The following STX7 variants were observed in gnomAD, a reference collection of about 807,000 sequenced individuals.
STX7 encodes the protein syntaxin-7.
STX7 carries 34 observed loss-of-function variants against 39.6 expected under a neutral mutation model. The ratio of observed to expected loss-of-function variants is 0.86; its 90% CI spans 0.65 to 1.14. The LOEUF (loss-of-function observed/expected upper bound fraction) is 1.14. Among genes scored for constraint, STX7 ranks in the 50% most tolerant of loss-of-function variants. STX7 has a pLI of 0.00. For synonymous variants in STX7, 119 were observed against 99.1 expected (o/e 1.20, Z -1.19); for missense variants, 284 against 310.4 (o/e 0.92, Z 0.64).
At position 132,447,669 on chromosome 6, in the gene STX7, A is replaced by G. The variant is rs919087948; in HGVS notation, c.*13089T>C. 6.6e-6 allele frequency: 1 copy of G among 152,056 alleles called. No homozygotes were observed. Among genetic ancestry groups the G allele is most frequent in the Admixed American group, 6.5e-5 (1 of 15,272 alleles). 9.4% of individuals were successfully genotyped at this position (152,056 alleles called of 1,614,324 possible). A position where few individuals can be genotyped will look rare whatever the true frequency, so the allele number is the denominator to read the frequency against. ...TTTGAGAGTCTCCTTATCCTTATTA[A>G]TGCTTTTCACTTTAATATTTGTAAG... is the stretch of plus-strand genomic sequence containing the variant. On this transcript the variant is annotated 3_prime_UTR_variant, in exon 10 of 10. Transcript: ENST00000367941.
Position 132,457,824 on chromosome 6 carries a change from T to C in STX7, c.*2934A>G, listed in dbSNP as rs995237901. 6.6e-6 allele frequency: 1 copy of C among 152,228 alleles called. No individual in the cohort carries two copies. Among genetic ancestry groups the C allele is most frequent in the East Asian group, 1.9e-4 (1 of 5,200 alleles). 9.4% of individuals were successfully genotyped at this position (152,228 alleles called of 1,614,324 possible). On this transcript the variant is annotated 3_prime_UTR_variant, in exon 10 of 10. Transcript: ENST00000367941. ...TTCATATTGCAGCAAACCAGCCATG[T>C]GAAAGAAATAAATTCAATTTTGACT...
chr6:132,484,840 G>A (rs1775091417), intron 2 of STX7, among the ~76,000 whole-genome samples: 1 of 152,096 alleles, frequency 6.6e-6, no homozygotes, highest in South Asian at 2.1e-4. Flanking sequence ...ATGTCTCCAA[G>A]CTATAATTGC....
intron 2 of STX7, among the ~76,000 whole-genome samples, chr6:132,480,463 C>T (rs1484682987): frequency 2.0e-5 from 3 of 152,194 alleles, no homozygotes; most frequent in Admixed American, 1.3e-4. Flanking sequence ...TCCATTTGTA[C>T]AATTTTTTCC....
chr6:132,474,176 C>T (rs1416905794), intron 3 of STX7, among the ~76,000 whole-genome samples: 2 of 131,704 alleles, frequency 1.5e-5, no homozygotes, highest in African/African-American at 2.9e-5. Context: ...TGCAGTGAAC[C>T]GTGATAATGT....
chr6:132,497,744 T>C (rs539360994), intron 2 of STX7, among the ~76,000 whole-genome samples: 13 of 152,338 alleles, frequency 8.5e-5, no homozygotes, highest in African/African-American at 2.6e-4. Context: ...AGGTACCTTA[T>C]ACTTATAAAC....
intron 5 of STX7, among the ~76,000 whole-genome samples, chr6:132,470,838 T>C (rs1221553024): frequency 2.6e-5 from 4 of 152,068 alleles, no homozygotes; most frequent in Admixed American, 6.6e-5. Context: ...TTATAAGTAA[T>C]TTTATATTCT....
At chr6:132,482,797 C>T (rs1389293362) in intron 2 of STX7, among the ~76,000 whole-genome samples, 1 of 152,058 alleles carries the variant, frequency 6.6e-6, no homozygotes. Flanking sequence ...GGAAGAAACG[C>T]CTGCTCTTTC....
At chr6:132,506,561 A>G (rs565988015) in intron 1 of STX7, among the ~76,000 whole-genome samples, 3 of 152,314 alleles carry the variant, frequency 2.0e-5, no homozygotes, top group African/African-American at 7.2e-5. Flanking sequence ...ATCATCTCAC[A>G]ACAGTCAGAA....
intron 1 of STX7, among the ~76,000 whole-genome samples, chr6:132,507,307 T>C (rs367893597): frequency 1.3e-5 from 2 of 152,322 alleles, no homozygotes; most frequent in African/African-American, 2.4e-5. Flanking sequence ...AATGGCTTTA[T>C]TGAGATATAA....
In STX7 at chr6:132,452,220, A is replaced by G. The variant is rs1774149881; in HGVS notation, c.*8538T>C. On this transcript the variant is annotated 3_prime_UTR_variant, in exon 10 of 10. Transcript: ENST00000367941. ...TAAAAACTTGCAGAAAAAAAGGAAT[A>G]AAAGATAACTTCCTTAACTTTAGCA... 1 of 152,182 alleles carries G rather than the reference A, an allele frequency of 6.6e-6. No homozygotes were observed. The allele number at this position is 152,182 out of a possible 1,614,324, so 9.4% of individuals were successfully genotyped here. A position where few individuals can be genotyped will look rare whatever the true frequency, so the allele number is the denominator to read the frequency against.
In STX7 at chr6:132,461,361, C is replaced by T. The variant is rs577923014; in HGVS notation, c.694-511G>A. ...TTGCTCTGTCACCCAGGCTGGAGTG[C>T]AGTGGCACAATCTTGGCTCACTGCA... On this transcript the variant is annotated intron_variant, in intron 9 of 9. Coordinates refer to ENST00000367941, the MANE Select transcript of STX7 (RefSeq NM_003569.3). Among the ~76,000 whole-genome samples the T allele has an allele frequency of 2.0e-5, 3 of 152,114 alleles. No homozygotes were observed. The South Asian group carries it at 6.2e-4, about 32-fold the overall frequency.
In STX7 at chr6:132,506,093, C is replaced by T. The variant is rs532164006; in HGVS notation, c.-58-2505G>A. ...TCTGTCAACATATAAAAAAAAAAAT[C>T]GACTCAAGATGGATTAAAGACTTAA... On this transcript the variant is annotated intron_variant, in intron 1 of 9. Coordinates refer to ENST00000367941, the MANE Select transcript of STX7 (RefSeq NM_003569.3). Among the ~76,000 whole-genome samples, 5 of 151,274 alleles carry T rather than the reference C, an allele frequency of 3.3e-5. No homozygotes were observed. In the South Asian group the frequency reaches 8.3e-4, roughly 25 times the overall value.
chr6:132,498,697 G>A lies in STX7; in HGVS notation c.85+4749C>T, dbSNP rs540605165. Among the ~76,000 whole-genome samples the A allele has an allele frequency of 5.9e-4, 90 of 152,190 alleles. 1 individual carries two copies. In the South Asian group the frequency reaches 6.6e-3, roughly 11 times the overall value. ...GTGCAAAGTATCATTTTATTCAATCGCACCCAGTATTATTAGCATTACCAA... is the reference window on the plus strand; with the variant it reads ...GTGCAAAGTATCATTTTATTCAATCACACCCAGTATTATTAGCATTACCAA... On this transcript the variant is annotated intron_variant, in intron 2 of 9. Coordinates refer to ENST00000367941, the MANE Select transcript of STX7 (RefSeq NM_003569.3).
chr6:132,512,493 AC>A (rs1483046325), intron 1 of STX7, among the ~76,000 whole-genome samples: 1 of 152,252 alleles, frequency 6.6e-6, no homozygotes, highest in Non-Finnish European at 1.5e-5. Flanking sequence ...AATTAAAAAA[AC>A]AATACTACGA....
In STX7 at chr6:132,449,679, T is replaced by C. The variant is rs888575497; in HGVS notation, c.*11079A>G. 1.3e-5 allele frequency: 2 copies of C among 152,252 alleles called. No homozygotes were observed. Among genetic ancestry groups the C allele is most frequent in the African/African-American group, 2.4e-5 (1 of 41,476 alleles). 9.4% of individuals were successfully genotyped at this position (152,252 alleles called of 1,614,324 possible). A position where few individuals can be genotyped will look rare whatever the true frequency, so the allele number is the denominator to read the frequency against. ...TGCTCTTAAACCATTCATTATGTTA[T>C]ATATTTCAATAATTAAATTTCATAC... On this transcript the variant is annotated 3_prime_UTR_variant, in exon 10 of 10. Transcript: ENST00000367941.
chr6:132,460,306 T>C lies in STX7; in HGVS notation c.*452A>G, dbSNP rs929284406. The C allele has an allele frequency of 2.6e-5, 4 of 152,630 alleles. No homozygotes were observed. Among genetic ancestry groups the C allele is most frequent in the African/African-American group, 9.6e-5 (4 of 41,462 alleles). 9.5% of individuals were successfully genotyped at this position (152,630 alleles called of 1,614,324 possible). ...ACAACCCATGTATAGACCTTAATTA[T>C]TTTACATTATTGAGAATATTTTCCC... On this transcript the variant is annotated 3_prime_UTR_variant, in exon 10 of 10. Coordinates refer to ENST00000367941, the MANE Select transcript of STX7 (RefSeq NM_003569.3).
intron 2 of STX7, among the ~76,000 whole-genome samples, chr6:132,491,708 A>G (rs1775294321): frequency 6.6e-6 from 1 of 152,066 alleles, no homozygotes; most frequent in African/African-American, 2.4e-5. Flanking sequence ...ACACTCCAAG[A>G]TCCCATCAAA....
At chr6:132,471,375 G>T in intron 5 of STX7, 88 bp downstream of exon 5, 1 of 1,400,110 alleles carries the variant, frequency 7.1e-7, no homozygotes, top group Non-Finnish European at 9.5e-7. Flanking sequence ...AGATCTTTAT[G>T]ACTTAAAAAA....
intron 9 of STX7, chr6:132,461,602 G>A (rs1195289053): frequency 8.8e-6 from 4 of 455,350 alleles, no homozygotes; most frequent in Non-Finnish European, 1.6e-5. Flanking sequence ...GAGCCACCAC[G>A]CCCAGCCCCT....
Sources: allele counts gnomAD v4.1 joint callset (sites outside exome capture counted in the v4.1 genomes callset), GRCh38; gene constraint gnomAD v4.1.1; transcripts MANE v1.5; gene names NCBI Gene and HGNC (gene_info 2026-07-23, HGNC 2026-07-21).